Variants in SCOC observed in about 807,000 individuals in gnomAD.
SCOC encodes short coiled coil protein.
SCOC carries 7 observed loss-of-function variants against 9.9 expected under a neutral mutation model. That is an observed-to-expected ratio of 0.71 (90% CI 0.40 to 1.33). SCOC has a LOEUF of 1.33. Among genes scored for constraint, SCOC ranks in the 40% most tolerant of loss-of-function variants. The pLI is 0.01. For synonymous variants in SCOC, 19 were observed against 28.2 expected (o/e 0.67, Z 1.03); for missense variants, 66 against 89.7 (o/e 0.74, Z 1.07).
At chr4:140,275,820 G>GTTTTTTT (rs1175950527) in intron 1 of SCOC, among the ~76,000 whole-genome samples, 2 of 90,648 alleles carry the variant, frequency 2.2e-5, no homozygotes, top group Non-Finnish European at 2.0e-5. Context: ...GCTCAGGTTT[G>GTTTTTTT]TTTTTTTTTT....
chr4:140,269,433 A>G (rs1437731871), intron 1 of SCOC, among the ~76,000 whole-genome samples: 1 of 152,038 alleles, frequency 6.6e-6, no homozygotes, highest in Non-Finnish European at 1.5e-5. Flanking sequence ...AAGCCACTAC[A>G]TTGGAAAGGT....
At chr4:140,303,535 T>G (rs930825482) in intron 1 of SCOC, among the ~76,000 whole-genome samples, 1 of 152,150 alleles carries the variant, frequency 6.6e-6, no homozygotes, top group Non-Finnish European at 1.5e-5. Flanking sequence ...TCTATCTCTT[T>G]CCTTTATAGC....
chr4:140,287,003 A>G (rs7685102), intron 1 of SCOC, among the ~76,000 whole-genome samples: 46,168 of 151,734 alleles, frequency 0.3, 11,745 homozygotes, highest in African/African-American at 0.69. Context: ...CACAGACCAT[A>G]CACATACATA....
intron 1 of SCOC, chr4:140,284,770 C>CA (rs34770368): frequency 0.035 from 2,719 of 77,746 alleles, 42 homozygotes; most frequent in Non-Finnish European, 0.049. Context: ...CTATTTCTTT[C>CA]AAAAAAAAAA....
At chr4:140,355,438 C>T (rs750838198) in intron 2 of SCOC, among the ~76,000 whole-genome samples, 1 of 151,970 alleles carries the variant, frequency 6.6e-6, no homozygotes, top group Admixed American at 6.6e-5. Context: ...AGATTGAAAA[C>T]TGGGCTTGGA....
upstream of SCOC, among the ~76,000 whole-genome samples, chr4:140,339,846 G>A (rs1018531928): frequency 2.6e-5 from 4 of 152,212 alleles, no homozygotes; most frequent in African/African-American, 9.6e-5. Context: ...CTTTTACACT[G>A]TTGGTGGGAC....
At chr4:140,293,278 T>C in intron 1 of SCOC, 1 of 456,454 alleles carries the variant, frequency 2.2e-6, no homozygotes, top group Non-Finnish European at 4.4e-6. Flanking sequence ...GATGGGCTCC[T>C]CCTTGTCAGG....
chr4:140,305,992 A>G (rs1386237345), intron 1 of SCOC, among the ~76,000 whole-genome samples: 1 of 152,208 alleles, frequency 6.6e-6, no homozygotes, highest in Admixed American at 6.5e-5. Context: ...TTGGAGAGAA[A>G]AAATAATAAT....
At chr4:140,303,845 A>G (rs1237466089) in intron 1 of SCOC, among the ~76,000 whole-genome samples, 1 of 152,204 alleles carries the variant, frequency 6.6e-6, no homozygotes, top group East Asian at 1.9e-4. Flanking sequence ...TCTGTTGCAC[A>G]CTTTAGGGAT....
At chr4:140,369,857 A>ATT (rs540817613), upstream of SCOC, among the ~76,000 whole-genome samples, 48 of 31,418 alleles carry the variant, frequency 1.5e-3, 3 homozygotes, top group Admixed American at 2.0e-3. Context: ...CAGAAGGGGG[A>ATT]TTTTTTTTTT....
chr4:140,286,588 A>T (rs2126424720), intron 1 of SCOC, among the ~76,000 whole-genome samples: 2 of 152,364 alleles, frequency 1.3e-5, no homozygotes, highest in South Asian at 4.1e-4. Context: ...CTCATTTAAA[A>T]TGCAGTGCTG....
intron 1 of SCOC, chr4:140,293,316 G>A: frequency 2.2e-6 from 1 of 456,748 alleles, no homozygotes; most frequent in Non-Finnish European, 4.4e-6. Context: ...AGTCGCAAAG[G>A]CTTATCTTTA....
At position 140,385,469 on chromosome 4, in the gene SCOC, T is replaced by C. The variant is rs1189435327; in HGVS notation, c.*4365T>C. The C allele has an allele frequency of 6.6e-6, 1 of 152,150 alleles. No individual in the cohort carries two copies. Among genetic ancestry groups the C allele is most frequent in the Non-Finnish European group, 1.5e-5 (1 of 68,016 alleles). The allele number at this position is 152,150 out of a possible 1,614,324, so 9.4% of individuals were successfully genotyped here. On this transcript the variant is annotated 3_prime_UTR_variant, in exon 4 of 4. Transcript: ENST00000608372. ...GGAAAATCTTTAACTTTTCAGAGAT[T>C]TTTGGTCATGGAATTGTAGCAACAA...
chr4:140,330,412 C>T (rs913800723), intron 1 of SCOC, among the ~76,000 whole-genome samples: 5 of 152,038 alleles, frequency 3.3e-5, no homozygotes, highest in Admixed American at 3.3e-4. Flanking sequence ...CCCCCAAAGA[C>T]CTACTGAAAT....
intron 1 of SCOC, among the ~76,000 whole-genome samples, chr4:140,260,032 C>A (rs1185920520): frequency 6.6e-6 from 1 of 152,214 alleles, no homozygotes; most frequent in African/African-American, 2.4e-5. Flanking sequence ...GAAATGATCA[C>A]TCTCCACAGA....
At chr4:140,271,177 ACTG>A (rs1455521150) in intron 1 of SCOC, among the ~76,000 whole-genome samples, 14 of 152,200 alleles carry the variant, frequency 9.2e-5, no homozygotes, top group South Asian at 2.1e-4. Flanking sequence ...GGTCATTCAG[ACTG>A]CTGCTGCCCC....
chr4:140,371,715 A>G (rs1358481538), upstream of SCOC, among the ~76,000 whole-genome samples: 1 of 152,200 alleles, frequency 6.6e-6, no homozygotes, highest in Non-Finnish European at 1.5e-5. Flanking sequence ...TTGCTTTAAA[A>G]TAGAATTACC....
chr4:140,288,073 T>G (rs951398758), intron 1 of SCOC, among the ~76,000 whole-genome samples: 1 of 151,916 alleles, frequency 6.6e-6, no homozygotes, highest in Non-Finnish European at 1.5e-5. Flanking sequence ...TATATACATA[T>G]CTATATTTAT....
intron 1 of SCOC, among the ~76,000 whole-genome samples, chr4:140,262,991 C>T (rs977157812): frequency 2.6e-5 from 4 of 152,140 alleles, no homozygotes; most frequent in East Asian, 1.9e-4. Context: ...GATCACAACT[C>T]GAGATGAGAT....
Sources: gnomAD v4.1 joint callset for allele counts (sites outside exome capture counted in the v4.1 genomes callset) on GRCh38, gnomAD v4.1.1 for gene constraint, MANE v1.5 for transcripts, NCBI Gene and HGNC (gene_info 2026-07-23, HGNC 2026-07-21) for gene names.